Variants in SRP19 observed in about 807,000 individuals in gnomAD.
The protein encoded by SRP19 is signal recognition particle 19.
Under a neutral mutation model 22.4 loss-of-function variants are expected in SRP19, and 11 were observed. The observed-to-expected ratio is 0.49, with a 90% CI of 0.31 to 0.81. The LOEUF (loss-of-function observed/expected upper bound fraction) is 0.81, where lower values mean the gene tolerates loss of function less well. Ranked by LOEUF, SRP19 falls within the 40% of genes least tolerant of loss-of-function variation. SRP19 has a pLI of 0.05. For synonymous variants in SRP19, 61 were observed against 57.6 expected, an observed-to-expected ratio of 1.06 and a Z score of -0.27; for missense variants, 168 against 175.9, an observed-to-expected ratio of 0.96 and a Z score of 0.25.
exon 5 of SRP19, chr5:112,892,401 C>T (rs1178213828): frequency 1.9e-6 from 3 of 1,614,006 alleles, no homozygotes; most frequent in Non-Finnish European, 2.5e-6. Context: ...AGTTCAAGAA[C>T]GTGGGGAAAG....
chr5:112,869,199 C>A lies in SRP19; in HGVS notation c.*1662C>A, dbSNP rs368575. 0.43 allele frequency: 66,065 copies of A among 151,972 alleles called. 17,028 individuals are homozygous for A. Among genetic ancestry groups the A allele is most frequent in the East Asian group, 0.66 (3,401 of 5,162 alleles). 9.4% of individuals were successfully genotyped at this position (151,972 alleles called of 1,614,324 possible). A position where few individuals can be genotyped will look rare whatever the true frequency, so the allele number is the denominator to read the frequency against. ...TCAGTGATGCCTTTTTTGTATTTTT[C>A]CGCTCTGCTGTCCATGACATATTTC... is the stretch of plus-strand genomic sequence containing the variant. On this transcript the variant is annotated 3_prime_UTR_variant, in exon 5 of 5. Transcript: ENST00000505459.
At chr5:112,869,906 G>C (rs1767721032), downstream of SRP19, 1 of 152,126 alleles carries the variant, frequency 6.6e-6, no homozygotes, top group Non-Finnish European at 1.5e-5. Flanking sequence ...TAATTAATCA[G>C]TTTTGGATAT....
chr5:112,889,508 A>T (rs1050747134), intron 4 of SRP19, among the ~76,000 whole-genome samples: 1 of 150,888 alleles, frequency 6.6e-6, no homozygotes, highest in Non-Finnish European at 1.5e-5. Flanking sequence ...ACTTGTATAT[A>T]CCTTTGAAAT....
chr5:112,892,551 T>C, exon 5 of SRP19: 1 of 1,614,202 alleles, frequency 6.2e-7, no homozygotes. Flanking sequence ...AGCTGCAATG[T>C]GAATTCTGCC....
chr5:112,882,601 C>G (rs1455543016), intron 4 of SRP19, among the ~76,000 whole-genome samples: 1 of 152,210 alleles, frequency 6.6e-6, no homozygotes, highest in East Asian at 1.9e-4. Context: ...TTTAACACTG[C>G]CTGACAGTCC....
At chr5:112,892,673 G>A in exon 5 of SRP19, 1 of 1,614,064 alleles carries the variant, frequency 6.2e-7, no homozygotes, top group Non-Finnish European at 8.5e-7. Context: ...AATGAATTCT[G>A]GGAAGCTAAT....
intron 4 of SRP19, chr5:112,878,842 G>C: frequency 6.2e-7 from 1 of 1,613,990 alleles, no homozygotes; most frequent in Non-Finnish European, 8.5e-7. Flanking sequence ...TTCGCTGTTT[G>C]TTTGTTAGGA....
downstream of SRP19, chr5:112,898,045 CA>C (rs1379855091): frequency 2.0e-5 from 3 of 152,212 alleles, no homozygotes. Context: ...GGTGACAGAG[CA>C]ACACTCTGTC....
chr5:112,891,771 A>G, exon 5 of SRP19: 1 of 1,613,904 alleles, frequency 6.2e-7, no homozygotes, highest in Non-Finnish European at 8.5e-7. Context: ...CTCGACTGAG[A>G]GACTCAGGAC....
intron 4 of SRP19, chr5:112,878,980 T>C (rs912632125): frequency 1.5e-6 from 2 of 1,323,940 alleles, no homozygotes; most frequent in South Asian, 1.4e-5. Flanking sequence ...GGGTTTGTGG[T>C]CTGGGCTAAG....
rs1767711802 is a variant in SRP19, at chr5:112,869,604, C to G, written c.*2067C>G. The G allele has an allele frequency of 6.6e-6, 1 of 152,216 alleles. No individual in the cohort carries two copies. The highest frequency in any genetic ancestry group is 1.5e-5 in the Non-Finnish European group (1 of 68,090). 9.4% of individuals were successfully genotyped at this position (152,216 alleles called of 1,614,324 possible). On this transcript the variant is annotated 3_prime_UTR_variant, in exon 5 of 5. Transcript: ENST00000505459. ...TGATATGGTTTGGCTGCTACCCAACCCAAAATCTCATCTTGAATTATAATC... is the reference window on the plus strand; with the variant it reads ...TGATATGGTTTGGCTGCTACCCAACGCAAAATCTCATCTTGAATTATAATC...
chr5:112,861,399 C>A lies in SRP19; in HGVS notation c.23C>A (p.Ser8Tyr), dbSNP rs374209987. The A allele has an allele frequency of 3.1e-6, 5 of 1,613,908 alleles. No individual in the cohort carries two copies. The African/African-American group carries it at 5.3e-5, about 17-fold the overall frequency. The change falls in exon 1 of 5, where the codon TCC becomes TAC. Residue 8 changes from serine (S) to tyrosine (Y), a missense_variant. Physicochemically the swap from Ser to Tyr is moderately radical, Grantham distance 144. Coordinates refer to ENST00000505459, the MANE Select transcript of SRP19 (RefSeq NM_003135.3). Reference sequence around the variant, plus strand: ...AAGATGGCTTGCGCTGCCGCGCGGTCCCCGGCCGACCAGGACAGGTGGGTT... The same window carrying A: ...AAGATGGCTTGCGCTGCCGCGCGGTACCCGGCCGACCAGGACAGGTGGGTT... MACAAARSPADQDRFICI... is the reference protein window; with the variant it reads MACAAARYPADQDRFICI...
exon 5 of SRP19, chr5:112,892,958 G>GCCGGAGCCAGAGCCGCAGGAGCCA (rs1768534157): frequency 1.3e-6 from 2 of 1,594,104 alleles, no homozygotes; most frequent in Non-Finnish European, 1.7e-6. Context: ...GACCAGGGCC[G>GCCGGAGCCAGAGCCGCAGGAGCCA]CCGGAGCCAG....
chr5:112,891,831 A>C (rs1264551094), exon 5 of SRP19: 1 of 1,571,172 alleles, frequency 6.4e-7, no homozygotes. Flanking sequence ...AACAACTAGA[A>C]GAAGAGAAGC....
downstream of SRP19, among the ~76,000 whole-genome samples, chr5:112,870,096 G>A (rs1452303502): frequency 6.6e-6 from 1 of 152,088 alleles, no homozygotes; most frequent in East Asian, 1.9e-4. Context: ...TTGGGACCAA[G>A]GTAACTGAAA....
exon 5 of SRP19, chr5:112,892,342 G>A (rs766973731): frequency 1.9e-6 from 3 of 1,614,140 alleles, no homozygotes; most frequent in African/African-American, 2.7e-5. Context: ...GTACAGCGAG[G>A]AAGAAACCTA....
chr5:112,885,727 C>T (rs1225563659), intron 4 of SRP19: 2 of 300,070 alleles, frequency 6.7e-6, no homozygotes, highest in Non-Finnish European at 1.4e-5. Context: ...ATCAGCCAAG[C>T]TTGAAGCTAT....
At chr5:112,872,285 A>G (rs1767776135), downstream of SRP19, among the ~76,000 whole-genome samples, 1 of 151,658 alleles carries the variant, frequency 6.6e-6, no homozygotes, top group African/African-American at 2.4e-5. Flanking sequence ...GCCCCAGCCC[A>G]GAATTCAGAT....
chr5:112,868,217 C>T lies in SRP19; in HGVS notation c.*680C>T, dbSNP rs1767671364. 2.0e-6 allele frequency: 2 copies of T among 985,454 alleles called. No homozygotes were observed. The highest frequency in any genetic ancestry group is 1.7e-5 in the African/African-American group (1 of 57,342). 61.0% of individuals were successfully genotyped at this position (985,454 alleles called of 1,614,324 possible). ...TTGTAAAATTAACTGTGCTTTAGCA[C>T]CTTGAGGTACACTTTCCTTCAACAA... On this transcript the variant is annotated 3_prime_UTR_variant, in exon 5 of 5. Transcript: ENST00000505459.
Sources: allele counts gnomAD v4.1 joint callset (sites outside exome capture counted in the v4.1 genomes callset), GRCh38; gene constraint gnomAD v4.1.1; transcripts MANE v1.5; gene names NCBI Gene and HGNC (gene_info 2026-07-23, HGNC 2026-07-21).